FSCN2: variants seen among roughly 807,000 people sequenced by gnomAD.
FSCN2 encodes fascin actin-bundling protein 2, retinal, also known as fascin-2.
FSCN2 carries 46 observed loss-of-function variants against 37.8 expected under a neutral mutation model. That is an observed-to-expected ratio of 1.22 (90% confidence interval 0.96 to 1.56). FSCN2 has a LOEUF of 1.56. Ranked by LOEUF, FSCN2 falls within the 40% of genes most tolerant of loss-of-function variation. FSCN2 has a pLI of 0.00. For missense variants in FSCN2, 844 were observed against 730.4 expected, an observed-to-expected ratio of 1.16 and a Z score of -1.79; for synonymous variants, 351 against 309.4, an observed-to-expected ratio of 1.13 and a Z score of -1.41.
At chr17:81,520,819 C>T in the FSCN2 span, among the ~76,000 whole-genome samples, 4 of 152,154 alleles carry the variant, frequency 2.6e-5, no homozygotes, top group Admixed American at 6.5e-5. Flanking sequence ...ATCTTGGCTA[C>T]TTCCTAGGCC....
the FSCN2 span, among the ~76,000 whole-genome samples, chr17:81,521,216 T>C: frequency 1.3e-5 from 2 of 152,178 alleles, no homozygotes; most frequent in South Asian, 2.1e-4. Context: ...TACAGGCATG[T>C]GCCACCACGC....
Position 81,536,768 on chromosome 17 carries a change from G to A in FSCN2, c.1252G>A (p.Asp418Asn). Residue 418 changes from aspartate to asparagine, a missense_variant, in exon 4 of 5, where the codon GAC becomes AAC. Coordinates refer to ENST00000417245, the MANE Select transcript of FSCN2 (RefSeq NM_012418.4). ...VYDVFHLSFS[D>N]GAYRIRGRDG... ...CGACGTCTTCCACCTGAGCTTCAGC[G>A]ACGGCGCCTACCGGATCCGAGGTGC... 2.5e-6 allele frequency: 4 copies of A among 1,605,624 alleles called. No individual in the cohort carries two copies. The highest frequency in any genetic ancestry group is 3.4e-6 in the Non-Finnish European group (4 of 1,176,316).
rs2032911756 is a variant in FSCN2 at position 81,537,051 on chromosome 17, C to T, written c.1450C>T (p.Pro484Ser). Residue 484 changes from proline to serine, a missense_variant, in exon 5 of 5, where the codon CCG becomes TCG. By Grantham distance (74) the Pro-to-Ser change is moderately conservative. Coordinates refer to ENST00000417245, the MANE Select transcript of FSCN2 (RefSeq NM_012418.4). ...SGLLRADADA[P>S]AGTALWEY Reference sequence around the variant, plus strand: ...CCTGCTGCGGGCCGATGCCGACGCCCCGGCCGGGACCGCGCTTTGGGAGTA... The same window carrying T: ...CCTGCTGCGGGCCGATGCCGACGCCTCGGCCGGGACCGCGCTTTGGGAGTA... 1 of 1,466,298 alleles carries T rather than the reference C, an allele frequency of 6.8e-7. No homozygotes were observed. 90.8% of individuals were successfully genotyped at this position (1,466,298 alleles called of 1,614,324 possible).
chr17:81,518,516 C>G, the FSCN2 span, among the ~76,000 whole-genome samples: 2 of 152,138 alleles, frequency 1.3e-5, no homozygotes, highest in Non-Finnish European at 2.9e-5. Context: ...TTCGCAGCTG[C>G]CTCCTATCTC....
At chr17:81,526,606 G>A (rs2032359345), upstream of FSCN2, among the ~76,000 whole-genome samples, 1 of 152,228 alleles carries the variant, frequency 6.6e-6, no homozygotes, top group Admixed American at 6.5e-5. Context: ...TTTGGGTGAG[G>A]AGCGAGACCC....
chr17:81,518,688 C>T, the FSCN2 span, among the ~76,000 whole-genome samples: 1 of 152,150 alleles, frequency 6.6e-6, no homozygotes, highest in Admixed American at 6.5e-5. Flanking sequence ...GTGCGCGGGG[C>T]ACCGAGGTAG....
chr17:81,515,282 CT>C, the FSCN2 span, among the ~76,000 whole-genome samples: 1 of 151,906 alleles, frequency 6.6e-6, no homozygotes, highest in Non-Finnish European at 1.5e-5. Flanking sequence ...AGCCGCCACC[CT>C]TCTGGAACCA....
chr17:81,517,053 A>G, the FSCN2 span, among the ~76,000 whole-genome samples: 3 of 152,070 alleles, frequency 2.0e-5, no homozygotes, highest in African/African-American at 7.2e-5. Context: ...ACATTCTGGG[A>G]GGTCAGAAGG....
At chr17:81,532,599 A>ATGATGG (rs1257952353) in intron 1 of FSCN2, among the ~76,000 whole-genome samples, 7 of 141,416 alleles carry the variant, frequency 4.9e-5, no homozygotes, top group Admixed American at 4.9e-4. Flanking sequence ...GGTGATGGTG[A>ATGATGG]TGATGGTGAT....
At chr17:81,526,666 G>T (rs1568072297), upstream of FSCN2, among the ~76,000 whole-genome samples, 1 of 152,224 alleles carries the variant, frequency 6.6e-6, no homozygotes, top group African/African-American at 2.4e-5. Context: ...GGAAAGTGAG[G>T]TGCAGGCAGC....
intron 1 of FSCN2, chr17:81,529,721 G>A: frequency 3.3e-5 from 17 of 520,300 alleles, no homozygotes; most frequent in South Asian, 2.6e-4. Flanking sequence ...CCCACAGCCT[G>A]GCCTGGTGCC....
At chr17:81,532,632 GTGATGGTGA>G (rs1423803420) in intron 1 of FSCN2, among the ~76,000 whole-genome samples, 23 of 146,084 alleles carry the variant, frequency 1.6e-4, no homozygotes, top group Admixed American at 9.5e-4. Context: ...GGTGATGATG[GTGATGGTGA>G]TGATGGTGGT....
At chr17:81,532,297 T>TGATGGTGATGATAGTGATGGC (rs1568079009) in intron 1 of FSCN2, among the ~76,000 whole-genome samples, 9 of 124,820 alleles carry the variant, frequency 7.2e-5, no homozygotes, top group African/African-American at 4.1e-4. Flanking sequence ...GTGGTGATGA[T>TGATGGTGATGATAGTGATGGC]GATGATAGTG....
In FSCN2 at chr17:81,536,128, T is replaced by G. The variant is rs1249370690; in HGVS notation, c.984-18T>G. On this transcript the variant is annotated intron_variant, in intron 2 of 4. Coordinates refer to ENST00000417245, the MANE Select transcript of FSCN2 (RefSeq NM_012418.4). ...CATCTCCTGCTGTCCTGAGGAGACC[T>G]TTTGCTGCTCCCTCCAGTTCTGCCA... 2 of 1,604,156 alleles carry G rather than the reference T, an allele frequency of 1.2e-6. No individual in the cohort carries two copies. Among genetic ancestry groups the G allele is most frequent in the African/African-American group, 1.3e-5 (1 of 74,856 alleles).
At chr17:81,520,228 G>A in the FSCN2 span, among the ~76,000 whole-genome samples, 1 of 152,162 alleles carries the variant, frequency 6.6e-6, no homozygotes, top group Non-Finnish European at 1.5e-5. Flanking sequence ...CTGGGGCCGT[G>A]GGGACACAGG....
the FSCN2 span, among the ~76,000 whole-genome samples, chr17:81,521,670 C>G: frequency 2.0e-5 from 3 of 152,170 alleles, no homozygotes; most frequent in Non-Finnish European, 4.4e-5. Flanking sequence ...CCACACCCAG[C>G]CTTTGTTTTG....
chr17:81,527,845 T>A (rs1555670340), upstream of FSCN2: 1 of 152,986 alleles, frequency 6.5e-6, no homozygotes, highest in East Asian at 1.9e-4. Flanking sequence ...TGCGTCATTC[T>A]GGGGCCTGAG....
chr17:81,529,249 G>T lies in FSCN2; in HGVS notation c.718G>T (p.Ala240Ser), dbSNP rs370156011. ...CGTGGGGCCCGCAGGCACCCTCAAG[G>T]CCGGCCGAAACACGCGACCTGGCAA... ...APVGPAGTLK[A>S]GRNTRPGKDE... The change falls in exon 1 of 5, where the codon GCC becomes TCC. Residue 240 changes from alanine (A) to serine (S), a missense_variant. Physicochemically the swap from Ala to Ser is moderately conservative, Grantham distance 99 (BLOSUM62 1). Coordinates refer to ENST00000417245, the MANE Select transcript of FSCN2 (RefSeq NM_012418.4). 12 of 1,597,866 alleles carry T rather than the reference G, an allele frequency of 7.5e-6. No homozygotes were observed. Among genetic ancestry groups the T allele is most frequent in the African/African-American group, 2.7e-5 (2 of 74,544 alleles).
At chr17:81,529,895 C>T (rs782119973) in intron 1 of FSCN2, among the ~76,000 whole-genome samples, 2 of 152,256 alleles carry the variant, frequency 1.3e-5, no homozygotes, top group African/African-American at 2.4e-5. Flanking sequence ...CTGCAAGCGC[C>T]GCCTCACGGG....
Sources: gnomAD v4.1 joint callset for allele counts (sites outside exome capture counted in the v4.1 genomes callset) on GRCh38, gnomAD v4.1.1 for gene constraint, MANE v1.5 for transcripts, NCBI Gene and HGNC (gene_info 2026-07-23, HGNC 2026-07-21) for gene names.